The following GNL3 variants were observed in gnomAD, a reference collection of about 807,000 sequenced individuals.
GNL3 encodes the protein G protein nucleolar 3.
A neutral mutation model predicts 70.6 loss-of-function variants in GNL3; 77 were observed. The observed-to-expected ratio is 1.09, with a 90% confidence interval of 0.91 to 1.32. The LOEUF is 1.32. Ranked by LOEUF, GNL3 falls within the 40% of genes most tolerant of loss-of-function variation. The pLI, the probability that GNL3 is intolerant of heterozygous loss-of-function variation, is 0.00. For synonymous variants in GNL3, 252 were observed against 216.1 expected, an observed-to-expected ratio of 1.17 and a Z score of -1.46; for missense variants, 634 against 644.0, an observed-to-expected ratio of 0.98 and a Z score of 0.17.
chr3:52,689,419 T>C (rs149570252), intron 6 of GNL3: 1 of 634,772 alleles, frequency 1.6e-6, no homozygotes, highest in African/African-American at 1.8e-5. Flanking sequence ...ATTCAGTATT[T>C]ACCATCTTTT....
chr3:52,688,403 C>T (rs1009364130), intron 5 of GNL3, among the ~76,000 whole-genome samples: 1 of 152,204 alleles, frequency 6.6e-6, no homozygotes, highest in Admixed American at 6.5e-5. Flanking sequence ...TCTCCCTCCT[C>T]CCACCTTTTC....
chr3:52,691,092 T>C (rs1254871855), intron 8 of GNL3, 21 bp downstream of exon 8: 1 of 1,608,698 alleles, frequency 6.2e-7, no homozygotes, highest in African/African-American at 1.3e-5. Context: ...GTTCATTACT[T>C]TTTACTTTTT....
intron 6 of GNL3, 82 bp downstream of exon 6, chr3:52,689,288 T>C: frequency 1.6e-6 from 2 of 1,258,712 alleles, no homozygotes; most frequent in Non-Finnish European, 2.3e-6. Context: ...GAAGACTGAT[T>C]AGATCCAACT....
intron 6 of GNL3, 124 bp downstream of exon 6, chr3:52,689,330 T>TCTC: frequency 1.1e-6 from 1 of 930,014 alleles, no homozygotes; most frequent in Non-Finnish European, 1.8e-6. Flanking sequence ...TACGTGCACT[T>TCTC]TGCCAGAGAC....
At chr3:52,693,599 TACCTGTTTACA>T in intron 12 of GNL3, 22 bp from the exon 13 acceptor site, 1 of 1,613,844 alleles carries the variant, frequency 6.2e-7, no homozygotes, top group East Asian at 2.2e-5. Flanking sequence ...GTGGAGCTCT[TACCTGTTTACA>T]TGGGCTTGCT....
intron 7 of GNL3, 107 bp from the exon 8 acceptor site, chr3:52,690,838 A>G: frequency 8.2e-7 from 1 of 1,224,152 alleles, no homozygotes; most frequent in Non-Finnish European, 1.2e-6. Flanking sequence ...ATCATCTGAA[A>G]GGCAATGTAG....
chr3:52,693,965 G>T, intron 13 of GNL3, 72 bp from the exon 14 acceptor site: 2 of 1,385,514 alleles, frequency 1.4e-6, no homozygotes, highest in Non-Finnish European at 2.0e-6. Flanking sequence ...TAATTTTTCA[G>T]GTACATAACT....
chr3:52,688,217 G>C (rs2097324099), intron 5 of GNL3, 25 bp downstream of exon 5: 1 of 1,324,380 alleles, frequency 7.6e-7, no homozygotes, highest in Non-Finnish European at 1.1e-6. Flanking sequence ...GTCAGTGTCT[G>C]ACAGTAGTAA....
chr3:52,691,338 T>G, intron 8 of GNL3: 1 of 608,510 alleles, frequency 1.6e-6, no homozygotes, highest in Admixed American at 3.1e-5. Context: ...CTTGGTTTGT[T>G]TGAATTTATA....
chr3:52,690,539 A>G, intron 6 of GNL3, 53 bp from the exon 7 acceptor site: 2 of 973,272 alleles, frequency 2.1e-6, no homozygotes, highest in Non-Finnish European at 3.3e-6. Context: ...CTGGGATTAC[A>G]GGCGTGAGCC....
chr3:52,691,006 G>C lies in GNL3; in HGVS notation c.716G>C (p.Gly239Ala). The change falls in exon 8 of 15, where the codon GGC becomes GCC. Residue 239 changes from glycine (G) to alanine (A), a missense_variant. Coordinates refer to ENST00000418458, the MANE Select transcript of GNL3 (RefSeq NM_014366.5). ...AGTGAAGTCTGCTTTGGGAAAGAGGGCCTTTGGAAACTTCTTGGAGGTTTT... is the reference window on the plus strand; with the variant it reads ...AGTGAAGTCTGCTTTGGGAAAGAGGCCCTTTGGAAACTTCTTGGAGGTTTT... ...FRSEVCFGKEGLWKLLGGFQE... is the reference protein window; with the variant it reads ...FRSEVCFGKEALWKLLGGFQE... The C allele has an allele frequency of 6.2e-7, 1 of 1,613,680 alleles. No homozygotes were observed. The highest frequency in any genetic ancestry group is 8.5e-7 in the Non-Finnish European group (1 of 1,179,586).
intron 9 of GNL3, among the ~76,000 whole-genome samples, chr3:52,692,112 G>C (rs1412723098): frequency 6.6e-6 from 1 of 152,212 alleles, no homozygotes; most frequent in African/African-American, 2.4e-5. Flanking sequence ...TCAGCAGATA[G>C]ATTGAGAGAG....
chr3:52,689,088 C>T lies in GNL3; in HGVS notation c.423C>T (p.Ser141=), dbSNP rs758606834. ...CQELKKVIEA[S]DVVLEVLDAR... ...TTCCTTGATAGGTGATTGAAGCCTC[C>T]GATGTTGTCCTAGAGGTGTTGGATG... is the stretch of plus-strand genomic sequence containing the variant. Residue 141 remains serine (S), a synonymous_variant, in exon 6 of 15, where the codon TCC becomes TCT. Transcript: ENST00000418458. 2.2e-5 allele frequency: 36 copies of T among 1,613,188 alleles called. No individual in the cohort carries two copies. Among genetic ancestry groups the T allele is most frequent in the East Asian group, 4.5e-5 (2 of 44,896 alleles).
chr3:52,689,045 T>G (rs776756969), intron 5 of GNL3, 29 bp from the exon 6 acceptor site: 17 of 1,597,236 alleles, frequency 1.1e-5, no homozygotes, highest in East Asian at 2.2e-5. Flanking sequence ...TCCTTGATAA[T>G]GTAGTTCTGG....
intron 13 of GNL3, 52 bp from the exon 14 acceptor site, chr3:52,693,985 A>T: frequency 1.4e-6 from 2 of 1,477,168 alleles, no homozygotes; most frequent in Non-Finnish European, 1.9e-6. Flanking sequence ...TACTTGGATT[A>T]AATGAGCAGA....
chr3:52,686,332 G>A (rs2097311089), intron 1 of GNL3: 2 of 601,068 alleles, frequency 3.3e-6, no homozygotes, highest in South Asian at 2.0e-5. Context: ...CAGAGGGTGG[G>A]GAAGACTAGG....
At position 52,693,274 on chromosome 3, in the gene GNL3, G is replaced by A. The variant is rs1324730680; in HGVS notation, c.1132G>A (p.Gly378Ser). The change falls in exon 11 of 15, where the codon GGT becomes AGT. Residue 378 changes from glycine to serine, a missense_variant. Gly to Ser is a moderately conservative substitution (Grantham distance 56). Transcript: ENST00000418458. ...LAQRRGMHQKGGIPNVEGAAK... is the reference protein window; with the variant it reads ...LAQRRGMHQKSGIPNVEGAAK... ...TCAGAGAAGAGGTATGCACCAAAAA[G>A]GTGGAATCCCAAATGTTGAAGGTGC... 1 of 1,614,074 alleles carries A rather than the reference G, an allele frequency of 6.2e-7. No individual in the cohort carries two copies. Among genetic ancestry groups the A allele is most frequent in the South Asian group, 1.1e-5 (1 of 91,070 alleles).
At chr3:52,688,728 A>G (rs1256679249) in intron 5 of GNL3, among the ~76,000 whole-genome samples, 2 of 152,180 alleles carry the variant, frequency 1.3e-5, no homozygotes, top group Non-Finnish European at 2.9e-5. Context: ...TCACTCCCCC[A>G]TGGATAGAAC....
At chr3:52,686,363 A>G (rs2097311358) in intron 1 of GNL3, 1 of 590,386 alleles carries the variant, frequency 1.7e-6, no homozygotes. Context: ...GTAAGGAAGC[A>G]GCGTCTGAGC....
Sources: gnomAD v4.1 joint callset for allele counts (sites outside exome capture counted in the v4.1 genomes callset) on GRCh38, gnomAD v4.1.1 for gene constraint, MANE v1.5 for transcripts, NCBI Gene and HGNC (gene_info 2026-07-23, HGNC 2026-07-21) for gene names.